The following HTR3D variants were observed in gnomAD, a reference collection of about 807,000 sequenced individuals.
HTR3D encodes 5-hydroxytryptamine receptor 3D.
In HTR3D, 47 loss-of-function variants were observed where a neutral mutation model predicts 45.8. The ratio of observed to expected loss-of-function variants is 1.03; its 90% CI spans 0.81 to 1.31. HTR3D has a LOEUF of 1.31. Among genes scored for constraint, HTR3D ranks in the 50% most tolerant of loss-of-function variants. The pLI is 0.00. For synonymous variants in HTR3D, 203 were observed against 199.8 expected (o/e 1.02, Z -0.13); for missense variants, 448 against 506.9 (o/e 0.88, Z 1.12).
intron 2 of HTR3D, 119 bp downstream of exon 2, chr3:184,035,341 T>G: frequency 1.1e-6 from 1 of 872,996 alleles, no homozygotes; most frequent in South Asian, 1.6e-5. Context: ...TTAGACAAGT[T>G]CAAATAGACC....
At chr3:184,031,559 G>C (rs538335868), upstream of HTR3D, 1 of 564,404 alleles carries the variant, frequency 1.8e-6, no homozygotes, top group South Asian at 2.2e-5. Context: ...TTCAGGCCCA[G>C]TTAAAGCACA....
At chr3:184,033,534 G>C (rs1223020196) in intron 1 of HTR3D, among the ~76,000 whole-genome samples, 1 of 152,122 alleles carries the variant, frequency 6.6e-6, no homozygotes, top group East Asian at 1.9e-4. Context: ...CACAAGAAAA[G>C]GTGTATGTTC....
chr3:184,037,958 C>G, intron 5 of HTR3D, 63 bp from the exon 6 acceptor site: 3 of 1,579,572 alleles, frequency 1.9e-6, no homozygotes, highest in Non-Finnish European at 2.6e-6. Flanking sequence ...AGTTCTTACT[C>G]TTACCTGTCT....
intron 1 of HTR3D, among the ~76,000 whole-genome samples, chr3:184,034,785 G>A (rs1457792014): frequency 2.1e-5 from 3 of 143,902 alleles, no homozygotes; most frequent in Non-Finnish European, 4.5e-5. Flanking sequence ...CCGAAATGGC[G>A]CCACTGCACT....
Position 184,038,256 on chromosome 3 carries a change from C to T in HTR3D, c.752C>T (p.Ser251Leu). Reference protein sequence around the residue: ...SHASLVRPHPSRDQKRGVYFA... With the variant: ...SHASLVRPHPLRDQKRGVYFA... ...GCTTCACTAGTACGTCCTCATCCAT[C>T]AAGAGACCAAAAGCGAGGTGTGTGT... Residue 251 changes from serine to leucine, a missense_variant, in exon 6 of 8, where the codon TCA becomes TTA. Ser to Leu is a moderately radical substitution (Grantham distance 145). Transcript: ENST00000428798. The surrounding 1 kb of genome is among the most constrained non-coding windows in gnomAD (Gnocchi z 4.5). The T allele has an allele frequency of 6.2e-7, 1 of 1,614,154 alleles. No individual in the cohort carries two copies. The highest frequency in any genetic ancestry group is 8.5e-7 in the Non-Finnish European group (1 of 1,180,032).
chr3:184,035,251 C>G, intron 2 of HTR3D, 29 bp downstream of exon 2: 2 of 1,539,714 alleles, frequency 1.3e-6, no homozygotes, highest in Non-Finnish European at 1.8e-6. Flanking sequence ...CCCCTTTCCT[C>G]TACTCTGGTG....
At chr3:184,031,885 T>G in intron 1 of HTR3D, 78 bp downstream of exon 1, 2 of 984,324 alleles carry the variant, frequency 2.0e-6, no homozygotes. Context: ...TATTTTTTAT[T>G]CTGAGATAGT....
Position 184,036,910 on chromosome 3 carries a change from C to T in HTR3D, c.516+14C>T. On this transcript the variant is annotated intron_variant, in intron 5 of 7. Transcript: ENST00000428798. Reference sequence around the variant, plus strand: ...GCCATCTTCCATGTGAGCTCAGGGGCCAAGACAAGGTTTCACCATGTTGGC... The same window carrying T: ...GCCATCTTCCATGTGAGCTCAGGGGTCAAGACAAGGTTTCACCATGTTGGC... 6.5e-7 allele frequency: 1 copy of T among 1,550,128 alleles called. No homozygotes were observed. The highest frequency in any genetic ancestry group is 1.2e-5 in the South Asian group (1 of 83,870).
rs745457011 is a variant in HTR3D, at chr3:184,038,373, C to T, written c.770-36C>T. On this transcript the variant is annotated intron_variant, in intron 6 of 7. Transcript: ENST00000428798. This position sits in a 1 kb window ranked among gnomAD's most constrained non-coding sequence, Gnocchi z 4.5. ...GAAAGAAACAAGAAATTCTAGGTGG[C>T]GCCTCTGGCCCTCATGCAGACCCCC... is the stretch of plus-strand genomic sequence containing the variant. 6.8e-6 allele frequency: 11 copies of T among 1,613,506 alleles called. No homozygotes were observed. The highest frequency in any genetic ancestry group is 1.7e-4 in the Middle Eastern group (1 of 6,060).
Position 184,039,054 on chromosome 3 carries a change from C to CCAAATTTCAGT in HTR3D, c.*80_*81insAAATTTCAGTC. The CCAAATTTCAGT allele has an allele frequency of 1.8e-5, 15 of 856,468 alleles. No individual in the cohort carries two copies. The highest frequency in any genetic ancestry group is 2.3e-5 in the Non-Finnish European group (15 of 639,860). The allele number at this position is 856,468 out of a possible 1,614,324, so 53.1% of individuals were successfully genotyped here. On this transcript the variant is annotated 3_prime_UTR_variant, in exon 8 of 8. Transcript: ENST00000428798. ...AGAAACCAGTCAGGCTCTCAGTCAG[C>CCAAATTTCAGT]CTTGTGGCCCTGTCAACCGCCTCAT... is the stretch of plus-strand genomic sequence containing the variant.
At position 184,034,713 on chromosome 3, in the gene HTR3D, C is replaced by T. The variant is rs1457784434; in HGVS notation, c.67-465C>T. Among the ~76,000 whole-genome samples, 5 of 103,448 alleles carry T rather than the reference C, an allele frequency of 4.8e-5. No individual in the cohort carries two copies. The South Asian group carries it at 1.1e-3, about 23-fold the overall frequency. The allele number at this position is 103,448 out of a possible 152,430, so 67.9% of individuals were successfully genotyped here. A position where few individuals can be genotyped will look rare whatever the true frequency, so the allele number is the denominator to read the frequency against. On this transcript the variant is annotated intron_variant, in intron 1 of 7. Coordinates refer to ENST00000428798, the MANE Select transcript of HTR3D (RefSeq NM_001145143.1). ...GTGTGTGCCTCTAATCCCAGCTGCT[C>T]GGGAGGCTGAGGCAGGAGGCAGGAG...
At chr3:184,031,952 A>C in intron 1 of HTR3D, 145 bp downstream of exon 1, 1 of 580,910 alleles carries the variant, frequency 1.7e-6, no homozygotes, top group Non-Finnish European at 3.1e-6. Context: ...ATGGCTTTGT[A>C]CCTCTTCCTA....
At chr3:184,034,732 G>A (rs1220244900) in intron 1 of HTR3D, among the ~76,000 whole-genome samples, 1 of 123,892 alleles carries the variant, frequency 8.1e-6, no homozygotes, top group Non-Finnish European at 1.6e-5. Context: ...GAGGCAGGAG[G>A]CAGGAGAATC....
chr3:184,034,655 A>G (rs1722832803), intron 1 of HTR3D, among the ~76,000 whole-genome samples: 1 of 152,192 alleles, frequency 6.6e-6, no homozygotes, highest in African/African-American at 2.4e-5. Flanking sequence ...CCCCATCTCT[A>G]CCAAAAATAC....
intron 5 of HTR3D, among the ~76,000 whole-genome samples, chr3:184,037,277 T>C (rs375393719): frequency 1.2e-4 from 18 of 149,910 alleles, no homozygotes; most frequent in Admixed American, 4.0e-4. Flanking sequence ...TGAACTCAGG[T>C]ATCTGCCTGC....
chr3:184,035,799 C>T (rs552420982), intron 2 of HTR3D, among the ~76,000 whole-genome samples: 1 of 152,108 alleles, frequency 6.6e-6, no homozygotes, highest in African/African-American at 2.4e-5. Flanking sequence ...GATTTTCCTG[C>T]CTCCTGCCTC....
chr3:184,037,190 C>T (rs554078789), intron 5 of HTR3D, among the ~76,000 whole-genome samples: 1 of 152,080 alleles, frequency 6.6e-6, no homozygotes, highest in South Asian at 2.1e-4. Context: ...CAAGGGCCCG[C>T]CACCATGCCC....
Position 184,036,832 on chromosome 3 carries a change from G to A in HTR3D, c.452G>A (p.Gly151Asp), listed in dbSNP as rs1198280708. 5.2e-6 allele frequency: 8 copies of A among 1,551,520 alleles called. No individual in the cohort carries two copies. The highest frequency in any genetic ancestry group is 7.0e-6 in the Non-Finnish European group (8 of 1,146,968). Residue 151 changes from glycine to aspartate, a missense_variant, in exon 5 of 8, where the codon GGT becomes GAT. Coordinates refer to ENST00000428798, the MANE Select transcript of HTR3D (RefSeq NM_001145143.1). ...FRTRREWVLL[G>D]IQKRTIKVTV... Reference sequence around the variant, plus strand: ...ACAAGGAGGGAGTGGGTACTGCTGGGTATCCAAAAAAGAACAATAAAGGTG... The same window carrying A: ...ACAAGGAGGGAGTGGGTACTGCTGGATATCCAAAAAAGAACAATAAAGGTG...
rs754515307 is a variant in HTR3D, at chr3:184,038,779, T to C, written c.1019T>C (p.Met340Thr). 1.9e-6 allele frequency: 3 copies of C among 1,611,434 alleles called. No homozygotes were observed. The highest frequency in any genetic ancestry group is 4.5e-5 in the East Asian group (2 of 44,820). ...GAGCCAGAGGTATCAGCAGGGCAGA[T>C]GCCAGGCCCTGGGGAGGCAGAGCTG... ...VKEPEVSAGQ[M>T]PGPGEAELTG... is the part of the protein sequence containing the mutation. Residue 340 changes from methionine to threonine, a missense_variant, in exon 8 of 8, where the codon ATG becomes ACG. By Grantham distance (81) the Met-to-Thr change is moderately conservative (BLOSUM62 -1). Transcript: ENST00000428798. This position sits in a 1 kb window ranked among gnomAD's most constrained non-coding sequence, Gnocchi z 4.5.
Sources: allele counts gnomAD v4.1 joint callset (sites outside exome capture counted in the v4.1 genomes callset), GRCh38; gene constraint gnomAD v4.1.1; non-coding constraint Gnocchi (gnomAD v3.1); transcripts MANE v1.5; gene names NCBI Gene and HGNC (gene_info 2026-07-23, HGNC 2026-07-21).